MGAT4C: variants seen among roughly 807,000 people sequenced by gnomAD.
MGAT4C encodes the protein alpha-1,3-mannosyl-glycoprotein 4-beta-N-acetylglucosaminyltransferase C.
Under a neutral mutation model 40.1 loss-of-function variants are expected in MGAT4C, and 19 were observed. The ratio of observed to expected loss-of-function variants is 0.47; its 90% CI spans 0.33 to 0.70. MGAT4C has a LOEUF of 0.70. Among genes scored for constraint, MGAT4C ranks in the 30% least tolerant of loss-of-function variants. MGAT4C has a pLI of 0.02. For missense variants in MGAT4C, 491 were observed against 563.2 expected (o/e 0.87, Z 1.30); for synonymous variants, 181 against 187.1 (o/e 0.97, Z 0.27).
intron 2 of MGAT4C, among the ~76,000 whole-genome samples, chr12:86,523,350 CA>C (rs899357882): frequency 6.6e-6 from 1 of 152,040 alleles, no homozygotes; most frequent in Non-Finnish European, 1.5e-5. Flanking sequence ...ATTATGTTCC[CA>C]AAAGTCATTC....
At chr12:85,989,871 T>C (rs1174272335) in intron 2 of MGAT4C, among the ~76,000 whole-genome samples, 3 of 151,976 alleles carry the variant, frequency 2.0e-5, no homozygotes, top group Admixed American at 6.6e-5. Context: ...AAAAGCACAA[T>C]AGAAAAACAG....
chr12:86,453,356 C>T (rs1023944540), intron 2 of MGAT4C, among the ~76,000 whole-genome samples: 2 of 152,060 alleles, frequency 1.3e-5, no homozygotes, highest in African/African-American at 4.8e-5. Flanking sequence ...AGAAACACAA[C>T]CATATTTCTA....
At chr12:86,764,366 C>T (rs1480546515) in intron 1 of MGAT4C, among the ~76,000 whole-genome samples, 8 of 152,140 alleles carry the variant, frequency 5.3e-5, no homozygotes, top group African/African-American at 1.2e-4. Flanking sequence ...CTGGGAAGCT[C>T]GAACTGGGTG....
At chr12:86,657,912 A>C (rs1343060684) in intron 2 of MGAT4C, among the ~76,000 whole-genome samples, 1 of 151,964 alleles carries the variant, frequency 6.6e-6, no homozygotes, top group Non-Finnish European at 1.5e-5. Flanking sequence ...GATTACTATG[A>C]TTGCAGAATT....
At chr12:86,370,004 T>A (rs1213567878) in intron 3 of MGAT4C, among the ~76,000 whole-genome samples, 1 of 152,012 alleles carries the variant, frequency 6.6e-6, no homozygotes, top group Non-Finnish European at 1.5e-5. Context: ...TTCATTATTA[T>A]TTTGTTTTCC....
At chr12:86,415,627 A>C (rs542552636) in intron 3 of MGAT4C, among the ~76,000 whole-genome samples, 1 of 152,062 alleles carries the variant, frequency 6.6e-6, no homozygotes, top group Admixed American at 6.6e-5. Flanking sequence ...ATGATATCCC[A>C]GTATTTGAAT....
At chr12:86,293,614 C>T (rs1349599160) in intron 4 of MGAT4C, among the ~76,000 whole-genome samples, 1 of 152,196 alleles carries the variant, frequency 6.6e-6, no homozygotes, top group South Asian at 2.1e-4. Flanking sequence ...TGACTTATAA[C>T]AATTGAGTCA....
chr12:86,449,120 T>A (rs1320261284), intron 2 of MGAT4C, among the ~76,000 whole-genome samples: 1 of 152,106 alleles, frequency 6.6e-6, no homozygotes, highest in Non-Finnish European at 1.5e-5. Flanking sequence ...CATTGGGGGC[T>A]ACAAAACGTT....
intron 1 of MGAT4C, among the ~76,000 whole-genome samples, chr12:86,166,704 T>A (rs1160345428): frequency 6.6e-6 from 1 of 152,174 alleles, no homozygotes; most frequent in Non-Finnish European, 1.5e-5. Flanking sequence ...GGTTAGACAT[T>A]TCTTAACATA....
intron 1 of MGAT4C, among the ~76,000 whole-genome samples, chr12:86,769,392 T>C (rs1377002531): frequency 6.6e-6 from 1 of 152,056 alleles, no homozygotes; most frequent in African/African-American, 2.4e-5. Context: ...TGTGGAGACA[T>C]AGGAACACTT....
At chr12:86,142,918 A>G (rs1355028490) in intron 1 of MGAT4C, among the ~76,000 whole-genome samples, 1 of 151,994 alleles carries the variant, frequency 6.6e-6, no homozygotes, top group East Asian at 1.9e-4. Flanking sequence ...AAATGTGGGG[A>G]CCTCATTCAA....
rs1274224489 is a variant in MGAT4C at position 85,971,012 on chromosome 12, C to T, written c.*8277G>A. 1 of 150,894 alleles carries T rather than the reference C, an allele frequency of 6.6e-6. No individual in the cohort carries two copies. The highest frequency in any genetic ancestry group is 1.5e-5 in the Non-Finnish European group (1 of 67,260). 9.3% of individuals were successfully genotyped at this position (150,894 alleles called of 1,614,324 possible). On this transcript the variant is annotated 3_prime_UTR_variant, in exon 5 of 5. Coordinates refer to ENST00000611864, the MANE Select transcript of MGAT4C (RefSeq NM_001351288.2). ...AGTGAAATTATACCTTGTAAAATTTCATATTATGAGAGCAATATGTAAATT... is the reference window on the plus strand; with the variant it reads ...AGTGAAATTATACCTTGTAAAATTTTATATTATGAGAGCAATATGTAAATT...
At chr12:86,152,230 T>C (rs561967268) in intron 1 of MGAT4C, among the ~76,000 whole-genome samples, 2 of 152,362 alleles carry the variant, frequency 1.3e-5, no homozygotes, top group South Asian at 4.1e-4. Context: ...CATCTGAGAC[T>C]GAATAGTTTA....
intron 3 of MGAT4C, among the ~76,000 whole-genome samples, chr12:86,369,454 T>A (rs766590915): frequency 5.3e-5 from 8 of 151,892 alleles, no homozygotes; most frequent in Non-Finnish European, 1.2e-4. Flanking sequence ...TTTTCTGTAG[T>A]GATATTCTTT....
At chr12:86,293,014 T>C (rs1206569832) in intron 4 of MGAT4C, among the ~76,000 whole-genome samples, 1 of 152,122 alleles carries the variant, frequency 6.6e-6, no homozygotes, top group African/African-American at 2.4e-5. Context: ...GAGATATCAA[T>C]AAACAATTCA....
intron 2 of MGAT4C, among the ~76,000 whole-genome samples, chr12:86,023,764 T>C (rs1889999635): frequency 6.6e-6 from 1 of 151,686 alleles, no homozygotes; most frequent in Non-Finnish European, 1.5e-5. Flanking sequence ...TTGACTATAA[T>C]ATTTGCATAG....
At chr12:86,577,282 T>C (rs1235724527) in intron 2 of MGAT4C, among the ~76,000 whole-genome samples, 1 of 151,880 alleles carries the variant, frequency 6.6e-6, no homozygotes, top group Non-Finnish European at 1.5e-5. Flanking sequence ...CCTTTCCAAT[T>C]TGGATGTTCT....
chr12:86,302,618 AG>A (rs1953842991), intron 4 of MGAT4C, among the ~76,000 whole-genome samples: 1 of 150,486 alleles, frequency 6.6e-6, no homozygotes, highest in African/African-American at 2.5e-5. Context: ...TAGTAGAGAC[AG>A]GGTTTCACCA....
At chr12:86,030,152 G>T (rs1022397483) in intron 2 of MGAT4C, among the ~76,000 whole-genome samples, 1 of 151,674 alleles carries the variant, frequency 6.6e-6, no homozygotes, top group African/African-American at 2.4e-5. Flanking sequence ...GAGTCTCAGC[G>T]ATTGAAATAA....
Sources: allele counts gnomAD v4.1 joint callset (sites outside exome capture counted in the v4.1 genomes callset), GRCh38; gene constraint gnomAD v4.1.1; transcripts MANE v1.5; gene names NCBI Gene and HGNC (gene_info 2026-07-23, HGNC 2026-07-21).